GALK2: variants seen among roughly 807,000 people sequenced by gnomAD.
The protein encoded by GALK2 is galactokinase 2, also known as N-acetylgalactosamine kinase.
In GALK2, 36 loss-of-function variants were observed where a neutral mutation model predicts 52.4. The ratio of observed to expected loss-of-function variants is 0.69; its 90% CI spans 0.53 to 0.91. The LOEUF is 0.91. GALK2 is among the 40% of genes least tolerant of loss of function. The probability of loss-of-function intolerance (pLI) is 0.00; values close to 1 mark genes in which losing one functional copy is unlikely to be tolerated. For synonymous variants in GALK2, 176 were observed against 199.1 expected (o/e 0.88, Z 0.98); for missense variants, 579 against 559.1 (o/e 1.04, Z -0.36).
At chr15:49,163,402 C>T (rs1483962211) in intron 1 of GALK2, among the ~76,000 whole-genome samples, 2 of 152,060 alleles carry the variant, frequency 1.3e-5, no homozygotes, top group Non-Finnish European at 2.9e-5. Context: ...CTTTGTCATA[C>T]CTAAGGGCGC....
At chr15:49,336,770 C>T (rs2039788783), downstream of GALK2, among the ~76,000 whole-genome samples, 1 of 152,018 alleles carries the variant, frequency 6.6e-6, no homozygotes, top group Non-Finnish European at 1.5e-5. Context: ...GTATATTTCA[C>T]GATATTGAGG....
At chr15:49,294,164 TAAA>T (rs2034234345) in intron 8 of GALK2, among the ~76,000 whole-genome samples, 1 of 149,794 alleles carries the variant, frequency 6.7e-6, no homozygotes, top group East Asian at 1.9e-4. Context: ...AATAAATAAA[TAAA>T]TAAATAAATA....
At chr15:49,206,913 C>T (rs942949302) in intron 2 of GALK2, among the ~76,000 whole-genome samples, 7 of 152,042 alleles carry the variant, frequency 4.6e-5, no homozygotes, top group African/African-American at 1.7e-4. Context: ...TTAGTCTTGT[C>T]CCAGTTCTCA....
chr15:49,247,879 A>G (rs1238659244), intron 5 of GALK2, among the ~76,000 whole-genome samples: 1 of 152,208 alleles, frequency 6.6e-6, no homozygotes, highest in Non-Finnish European at 1.5e-5. Flanking sequence ...CCCTGAACAG[A>G]TTTACTTAAC....
chr15:49,317,010 A>G (rs377677271), intron 8 of GALK2, among the ~76,000 whole-genome samples: 2 of 152,314 alleles, frequency 1.3e-5, no homozygotes, highest in Admixed American at 6.5e-5. Context: ...ACTGGGGTGT[A>G]AACAAAAGCT....
At chr15:49,183,741 G>A (rs1273847207) in intron 1 of GALK2, among the ~76,000 whole-genome samples, 2 of 151,990 alleles carry the variant, frequency 1.3e-5, no homozygotes, top group Non-Finnish European at 1.5e-5. Flanking sequence ...TACTTGGGAG[G>A]CTGAGGCAGG....
At chr15:49,200,924 T>C (rs116879451) in intron 1 of GALK2, among the ~76,000 whole-genome samples, 1 of 152,334 alleles carries the variant, frequency 6.6e-6, no homozygotes, top group Non-Finnish European at 1.5e-5. Flanking sequence ...TTCTTCAGTG[T>C]GCTTAGCTAT....
chr15:49,262,309 G>T (rs915752241), intron 5 of GALK2, among the ~76,000 whole-genome samples: 2 of 152,204 alleles, frequency 1.3e-5, no homozygotes, highest in Non-Finnish European at 1.5e-5. Context: ...GGGTGTATGT[G>T]TCGAGGAATT....
At chr15:49,307,243 G>T (rs899891508) in intron 8 of GALK2, among the ~76,000 whole-genome samples, 4 of 152,150 alleles carry the variant, frequency 2.6e-5, no homozygotes, top group Non-Finnish European at 5.9e-5. Context: ...GTGCGGGGCA[G>T]GTATCTCAAG....
chr15:49,293,366 C>A (rs1276041439), intron 8 of GALK2, among the ~76,000 whole-genome samples: 1 of 152,248 alleles, frequency 6.6e-6, no homozygotes, highest in East Asian at 1.9e-4. Context: ...GTTTCTAACA[C>A]TGTCGATCCA....
intron 3 of GALK2, among the ~76,000 whole-genome samples, chr15:49,233,839 G>A (rs564520170): frequency 2.8e-4 from 43 of 152,172 alleles, no homozygotes; most frequent in Non-Finnish European, 5.1e-4. Context: ...TCTCAGCCAC[G>A]TATGCCACCC....
At chr15:49,284,873 C>T (rs748644063) in intron 7 of GALK2, among the ~76,000 whole-genome samples, 26 of 152,142 alleles carry the variant, frequency 1.7e-4, no homozygotes, top group Non-Finnish European at 3.2e-4. Context: ...GGAACTCACT[C>T]CATCTTTAAC....
chr15:49,359,432 A>G (rs1337853403), intron 3 of GALK2, among the ~76,000 whole-genome samples: 1 of 120,044 alleles, frequency 8.3e-6, no homozygotes, highest in African/African-American at 3.2e-5. Context: ...GGCGAAGGAC[A>G]TGAACAGACA....
At chr15:49,281,648 A>AT (rs901457189) in intron 5 of GALK2, among the ~76,000 whole-genome samples, 1 of 152,228 alleles carries the variant, frequency 6.6e-6, no homozygotes, top group African/African-American at 2.4e-5. Flanking sequence ...AAAATGAATG[A>AT]TTGCCCATAT....
intron 5 of GALK2, among the ~76,000 whole-genome samples, chr15:49,280,159 TAAC>T (rs1195010236): frequency 6.6e-6 from 1 of 152,174 alleles, no homozygotes; most frequent in African/African-American, 2.4e-5. Flanking sequence ...ATGAAACAAT[TAAC>T]AATTAAGGAG....
At chr15:49,174,259 G>T (rs1029213157) in intron 1 of GALK2, among the ~76,000 whole-genome samples, 1 of 152,110 alleles carries the variant, frequency 6.6e-6, no homozygotes, top group Non-Finnish European at 1.5e-5. Flanking sequence ...CAGAGCCAAA[G>T]GTAATAAACA....
At chr15:49,366,324 A>G in intron 3 of GALK2, 1 of 786,990 alleles carries the variant, frequency 1.3e-6, no homozygotes, top group East Asian at 2.4e-5. Context: ...GAGGTAGGAA[A>G]TAGGATACTG....
chr15:49,250,305 A>C (rs1044445163), intron 5 of GALK2, among the ~76,000 whole-genome samples: 1 of 152,312 alleles, frequency 6.6e-6, no homozygotes, highest in South Asian at 2.1e-4. Flanking sequence ...TAAAGCATGC[A>C]CTGCAGTATT....
chr15:49,288,885 TA>T (rs754482253), intron 7 of GALK2, among the ~76,000 whole-genome samples: 1 of 152,156 alleles, frequency 6.6e-6, no homozygotes, highest in Non-Finnish European at 1.5e-5. Flanking sequence ...GAGGATGGGA[TA>T]AAAAGGGAGA....
Sources: gnomAD v4.1 joint callset for allele counts (sites outside exome capture counted in the v4.1 genomes callset) on GRCh38, gnomAD v4.1.1 for gene constraint, MANE v1.5 for transcripts, NCBI Gene and HGNC (gene_info 2026-07-23, HGNC 2026-07-21) for gene names.